Variants in IL1RAPL1 observed in about 807,000 individuals in gnomAD.
IL1RAPL1 encodes interleukin-1 receptor accessory protein-like 1.
Under a neutral mutation model 48.4 loss-of-function variants are expected in IL1RAPL1, and 3 were observed. The ratio of observed to expected loss-of-function variants is 0.06; its 90% CI spans 0.03 to 0.16. The LOEUF is 0.16. Among genes scored for constraint, IL1RAPL1 ranks in the 10% least tolerant of loss-of-function variants. The pLI is 1.00. For synonymous variants in IL1RAPL1, 185 were observed against 187.7 expected (o/e 0.99, Z 0.12); for missense variants, 349 against 530.6 (o/e 0.66, Z 3.36).
chrX:29,160,600 A>C (rs1015168186), intron 2 of IL1RAPL1, among the ~76,000 whole-genome samples: 7 of 112,414 alleles, frequency 6.2e-5, no homozygotes, highest in Admixed American at 1.9e-4. Flanking sequence ...TTATATGTTC[A>C]TTGGTTTGTT....
chrX:29,702,303 T>C (rs1443430452), intron 6 of IL1RAPL1, among the ~76,000 whole-genome samples: 1 of 106,238 alleles, frequency 9.4e-6, no homozygotes, highest in Non-Finnish European at 1.9e-5. Flanking sequence ...GTAATGTGGG[T>C]CCTTAGAGAT....
chrX:29,364,961 A>T (rs767537621), intron 3 of IL1RAPL1, among the ~76,000 whole-genome samples: 1 of 111,955 alleles, frequency 8.9e-6, no homozygotes, highest in African/African-American at 3.2e-5. Context: ...GGTAAAAAAC[A>T]CGAATTTCAT....
intron 2 of IL1RAPL1, among the ~76,000 whole-genome samples, chrX:29,035,739 G>A (rs973027911): frequency 3.6e-5 from 4 of 111,807 alleles, no homozygotes; most frequent in African/African-American, 1.3e-4. Flanking sequence ...ATGCTTTAAA[G>A]TTATAAACCA....
chrX:29,234,182 T>C, intron 2 of IL1RAPL1, among the ~76,000 whole-genome samples: 1 of 112,359 alleles, frequency 8.9e-6, no homozygotes. Flanking sequence ...AATAATAAAT[T>C]CAGGTTGTTT....
In IL1RAPL1 at chrX:29,276,600, A is replaced by T. The variant is rs1001565020; in HGVS notation, c.83-6338A>T. 3.6e-5 allele frequency among the ~76,000 whole-genome samples: 4 copies of T among 112,430 alleles called. No homozygotes were observed. The South Asian group carries it at 1.5e-3, about 41-fold the overall frequency. ...TTAGTTAATCACTAATTTATTCAAC[A>T]CACATTTATTGATTGCCTATTGTGC... On this transcript the variant is annotated intron_variant, in intron 2 of 10. Transcript: ENST00000378993.
At position 29,064,396 on chromosome X, in the gene IL1RAPL1, AT is replaced by A. The variant is rs1035572713; in HGVS notation, c.83-218532del. ...TTTTTTATTATTTACAGATTTGACT[AT>A]TTTTTTTTTCTATTCTAATACTGTG... On this transcript the variant is annotated intron_variant, in intron 2 of 10. Coordinates refer to ENST00000378993, the MANE Select transcript of IL1RAPL1 (RefSeq NM_014271.4). 1.2e-3 allele frequency among the ~76,000 whole-genome samples: 132 copies of A among 107,570 alleles called. 1 individual carries two copies. The highest frequency in any genetic ancestry group is 3.6e-3 in the African/African-American group (107 of 29,637). The allele number at this position is 107,570 out of a possible 115,157, so 93.4% of individuals were successfully genotyped here.
At chrX:29,116,672 A>G (rs780646664) in intron 2 of IL1RAPL1, among the ~76,000 whole-genome samples, 3 of 111,913 alleles carry the variant, frequency 2.7e-5, no homozygotes, top group South Asian at 3.7e-4. Flanking sequence ...TGTAAATACA[A>G]TAGGGTACTT....
At chrX:29,803,068 C>A (rs1255306637) in intron 6 of IL1RAPL1, among the ~76,000 whole-genome samples, 2 of 80,770 alleles carry the variant, frequency 2.5e-5, no homozygotes, top group African/African-American at 1.0e-4. Flanking sequence ...TATATGTATG[C>A]ATGTATACAT....
intron 2 of IL1RAPL1, among the ~76,000 whole-genome samples, chrX:29,081,488 C>T (rs1927842957): frequency 9.0e-6 from 1 of 111,600 alleles, no homozygotes; most frequent in African/African-American, 3.3e-5. Flanking sequence ...CAGGCATGAG[C>T]CACCACGCCC....
intron 2 of IL1RAPL1, among the ~76,000 whole-genome samples, chrX:29,056,749 C>T (rs1410972169): frequency 9.0e-6 from 1 of 111,597 alleles, no homozygotes; most frequent in Non-Finnish European, 1.9e-5. Context: ...GTCTTAAACC[C>T]ATCATGCATT....
At chrX:29,290,196 G>C (rs1439992658) in intron 3 of IL1RAPL1, among the ~76,000 whole-genome samples, 1 of 112,028 alleles carries the variant, frequency 8.9e-6, no homozygotes, top group Non-Finnish European at 1.9e-5. Context: ...TATGAAAATA[G>C]TTTAGAATTC....
At chrX:29,676,694 A>G (rs1451943615) in intron 6 of IL1RAPL1, among the ~76,000 whole-genome samples, 1 of 111,614 alleles carries the variant, frequency 9.0e-6, no homozygotes, top group East Asian at 2.8e-4. Flanking sequence ...TAAGAGTAAA[A>G]AAATTTCTCT....
At chrX:29,820,364 G>T (rs768612433) in intron 6 of IL1RAPL1, among the ~76,000 whole-genome samples, 3 of 111,341 alleles carry the variant, frequency 2.7e-5, no homozygotes, top group Non-Finnish European at 3.8e-5. Context: ...GTTTTTAGCA[G>T]TGGAATATTT....
At chrX:29,452,916 ATTTTTTTT>A (rs72259685) in intron 5 of IL1RAPL1, among the ~76,000 whole-genome samples, 1 of 48,878 alleles carries the variant, frequency 2.0e-5, no homozygotes, top group Admixed American at 2.3e-4. Flanking sequence ...GTGACTACAG[ATTTTTTTT>A]TTTTTTTTTT....
At chrX:29,859,997 T>C (rs1217902280) in intron 6 of IL1RAPL1, among the ~76,000 whole-genome samples, 2 of 111,911 alleles carry the variant, frequency 1.8e-5, no homozygotes, top group East Asian at 5.6e-4. Context: ...AATCCTGAAA[T>C]TGATGTTACT....
rs1384870723 is a variant in IL1RAPL1 at position 29,266,212 on chromosome X, A to G, written c.83-16726A>G. Among the ~76,000 whole-genome samples the G allele has an allele frequency of 3.6e-5, 4 of 112,195 alleles. No homozygotes were observed. In the Admixed American group the frequency reaches 3.8e-4, roughly 11 times the overall value. On this transcript the variant is annotated intron_variant, in intron 2 of 10. Transcript: ENST00000378993. ...TTCACAATAGCAAAGACTTGGAACC[A>G]ACCCAAATGTCCAACAATGATAGAC...
At chrX:29,267,229 C>G (rs1931969538) in intron 2 of IL1RAPL1, among the ~76,000 whole-genome samples, 1 of 111,939 alleles carries the variant, frequency 8.9e-6, no homozygotes, top group African/African-American at 3.2e-5. Context: ...CCTTGCATGT[C>G]CCCATGAAGT....
In IL1RAPL1 at chrX:28,899,887, T is replaced by G. The variant is rs143611520; in HGVS notation, c.82+110462T>G. Reference sequence around the variant, plus strand: ...TGTACAATTGACCTTCTGTGTCATTTCACAGAAGTGTGGGCATCTTTGACT... The same window carrying G: ...TGTACAATTGACCTTCTGTGTCATTGCACAGAAGTGTGGGCATCTTTGACT... On this transcript the variant is annotated intron_variant, in intron 2 of 10. Transcript: ENST00000378993. Among the ~76,000 whole-genome samples the G allele has an allele frequency of 3.9e-3, 438 of 112,036 alleles. 3 individuals are homozygous for G. Among genetic ancestry groups the G allele is most frequent in the African/African-American group, 0.013 (415 of 30,825 alleles).
chrX:29,461,634 G>C, intron 5 of IL1RAPL1, among the ~76,000 whole-genome samples: 1 of 111,459 alleles, frequency 9.0e-6, no homozygotes, highest in Non-Finnish European at 1.9e-5. Context: ...CTAGTGAATA[G>C]ATAAACAAAA....
Sources: gnomAD v4.1 joint callset for allele counts (sites outside exome capture counted in the v4.1 genomes callset) on GRCh38, gnomAD v4.1.1 for gene constraint, MANE v1.5 for transcripts, NCBI Gene and HGNC (gene_info 2026-07-23, HGNC 2026-07-21) for gene names.